The following CLNK variants were observed in gnomAD, a reference collection of about 807,000 sequenced individuals.
CLNK encodes cytokine-dependent hematopoietic cell linker.
Under a neutral mutation model 68.6 loss-of-function variants are expected in CLNK, and 74 were observed. The ratio of observed to expected loss-of-function variants is 1.08; its 90% CI spans 0.89 to 1.31. The LOEUF (loss-of-function observed/expected upper bound fraction) is 1.31, where lower values mean the gene tolerates loss of function less well. Among genes scored for constraint, CLNK ranks in the 50% most tolerant of loss-of-function variants. CLNK has a pLI of 0.00. For missense variants in CLNK, 553 were observed against 515.3 expected (o/e 1.07, Z -0.71); for synonymous variants, 198 against 172.2 (o/e 1.15, Z -1.17).
intron 9 of CLNK, 34 bp downstream of exon 9, chr4:10,542,221 T>G: frequency 1.4e-6 from 2 of 1,399,316 alleles, no homozygotes; most frequent in East Asian, 2.4e-5. Flanking sequence ...AAGTAAATAA[T>G]GAATAACAAA....
At chr4:10,645,583 AT>A (rs373926958) in intron 2 of CLNK, among the ~76,000 whole-genome samples, 1 of 152,226 alleles carries the variant, frequency 6.6e-6, no homozygotes, top group East Asian at 1.9e-4. Flanking sequence ...CTTATTCAAT[AT>A]TTAAGATTAG....
rs957403601 is a variant in CLNK, at chr4:10,489,459, A to G, written c.*1008T>C. The G allele has an allele frequency of 7.2e-5, 11 of 152,076 alleles. No individual in the cohort carries two copies. The highest frequency in any genetic ancestry group is 1.5e-4 in the Non-Finnish European group (10 of 68,034). 9.4% of individuals were successfully genotyped at this position (152,076 alleles called of 1,614,324 possible). A position where few individuals can be genotyped will look rare whatever the true frequency, so the allele number is the denominator to read the frequency against. ...GATATAATCTGAGCTCTGTACTATG[A>G]ATGTGTTAATTCCATTTGACTTAAA... is the stretch of plus-strand genomic sequence containing the variant. On this transcript the variant is annotated 3_prime_UTR_variant, in exon 19 of 19. Transcript: ENST00000226951.
intron 16 of CLNK, among the ~76,000 whole-genome samples, chr4:10,510,111 C>T (rs183565258): frequency 3.9e-5 from 6 of 152,206 alleles, no homozygotes; most frequent in African/African-American, 1.4e-4. Flanking sequence ...AGTTGGAAGA[C>T]ATTTAGAGAT....
the CLNK span, among the ~76,000 whole-genome samples, chr4:10,718,127 C>T: frequency 9.3e-4 from 142 of 152,006 alleles, no homozygotes; most frequent in Admixed American, 1.6e-3. Context: ...AACAGCAGAA[C>T]GGAAGAGTCA....
chr4:10,691,266 A>G, the CLNK span, among the ~76,000 whole-genome samples: 1 of 152,154 alleles, frequency 6.6e-6, no homozygotes, highest in Non-Finnish European at 1.5e-5. Flanking sequence ...ATAAATTACA[A>G]ACTCCTTGAG....
chr4:10,548,715 A>G lies in CLNK; in HGVS notation c.446-6435T>C, dbSNP rs538386136. Among the ~76,000 whole-genome samples the G allele has an allele frequency of 9.2e-5, 14 of 152,298 alleles. 1 individual carries two copies. The South Asian group carries it at 2.9e-3, about 32-fold the overall frequency. On this transcript the variant is annotated intron_variant, in intron 8 of 18. Coordinates refer to ENST00000226951, the MANE Select transcript of CLNK (RefSeq NM_052964.4). ...AGGAACGTGGTCCTGCCCTGTGCAG[A>G]GGAACAGGTCCTGCCCTGTTCTTCT...
upstream of CLNK, chr4:10,685,004 C>T (rs536260235): frequency 6.6e-6 from 1 of 152,252 alleles, no homozygotes; most frequent in South Asian, 2.1e-4. Context: ...TTATGTGGCA[C>T]TTCATAGTTA....
At chr4:10,715,799 A>G in the CLNK span, among the ~76,000 whole-genome samples, 1 of 152,216 alleles carries the variant, frequency 6.6e-6, no homozygotes, top group East Asian at 1.9e-4. Flanking sequence ...TCAGCGCACT[A>G]CTTCATCAGG....
intron 2 of CLNK, among the ~76,000 whole-genome samples, chr4:10,641,632 G>T (rs1005507613): frequency 2.0e-5 from 3 of 152,166 alleles, no homozygotes; most frequent in Non-Finnish European, 2.9e-5. Context: ...TCTTCTGAAT[G>T]AATAAGTGAG....
chr4:10,650,882 G>A (rs970173295), intron 2 of CLNK, among the ~76,000 whole-genome samples: 1 of 152,052 alleles, frequency 6.6e-6, no homozygotes, highest in African/African-American at 2.4e-5. Context: ...TCATGAAAAA[G>A]TAGGTAAAGG....
At chr4:10,541,752 C>A (rs80292866) in intron 10 of CLNK, among the ~76,000 whole-genome samples, 1 of 151,790 alleles carries the variant, frequency 6.6e-6, no homozygotes, top group East Asian at 1.9e-4. Flanking sequence ...CAGAAAAAAA[C>A]GGGAGGAATA....
intron 1 of CLNK, among the ~76,000 whole-genome samples, chr4:10,669,135 C>G (rs913131526): frequency 2.6e-5 from 4 of 152,178 alleles, no homozygotes; most frequent in South Asian, 2.1e-4. Context: ...ATTCATCTAT[C>G]CATTCATTCA....
chr4:10,570,762 A>G (rs1246578252), intron 5 of CLNK, among the ~76,000 whole-genome samples: 1 of 152,162 alleles, frequency 6.6e-6, no homozygotes, highest in Admixed American at 6.5e-5. Context: ...ATACCTATAC[A>G]TTTGCTTGTA....
At chr4:10,724,317 C>T in the CLNK span, among the ~76,000 whole-genome samples, 4 of 152,046 alleles carry the variant, frequency 2.6e-5, no homozygotes, top group African/African-American at 9.7e-5. Context: ...TCACATGTCC[C>T]GCTCTTGAAG....
the CLNK span, among the ~76,000 whole-genome samples, chr4:10,705,608 C>G: frequency 6.6e-6 from 1 of 152,146 alleles, no homozygotes; most frequent in Admixed American, 6.5e-5. Context: ...CATGTTGTAT[C>G]ACTCTCACCC....
At chr4:10,678,984 G>C (rs1263913564) in intron 1 of CLNK, among the ~76,000 whole-genome samples, 1 of 152,076 alleles carries the variant, frequency 6.6e-6, no homozygotes, top group African/African-American at 2.4e-5. Context: ...AGCTACCAAT[G>C]ACTTTTTTCA....
chr4:10,611,686 G>C (rs1417337320), intron 2 of CLNK, among the ~76,000 whole-genome samples: 3 of 152,066 alleles, frequency 2.0e-5, no homozygotes. Context: ...AGGTAGGGGA[G>C]GGAAATGAGA....
intron 15 of CLNK, among the ~76,000 whole-genome samples, chr4:10,514,130 T>C (rs1218419840): frequency 6.9e-6 from 1 of 143,976 alleles, no homozygotes; most frequent in Non-Finnish European, 1.5e-5. Flanking sequence ...GTTCTTGCGA[T>C]AGTTTACTGA....
intron 3 of CLNK, among the ~76,000 whole-genome samples, chr4:10,590,211 T>G (rs913463721): frequency 6.6e-6 from 1 of 152,262 alleles, no homozygotes; most frequent in East Asian, 1.9e-4. Context: ...TATTTTTAAT[T>G]TGTAATACTT....
Sources: gnomAD v4.1 joint callset for allele counts (sites outside exome capture counted in the v4.1 genomes callset) on GRCh38, gnomAD v4.1.1 for gene constraint, MANE v1.5 for transcripts, NCBI Gene and HGNC (gene_info 2026-07-23, HGNC 2026-07-21) for gene names.